CHODL: variants seen among roughly 807,000 people sequenced by gnomAD.
CHODL encodes chondrolectin.
CHODL carries 29 observed loss-of-function variants against 34.5 expected under a neutral mutation model. The ratio of observed to expected loss-of-function variants is 0.84; its 90% CI spans 0.63 to 1.15. The LOEUF is 1.15. Among genes scored for constraint, CHODL ranks in the 50% most tolerant of loss-of-function variants. CHODL has a pLI of 0.00. For synonymous variants in CHODL, 125 were observed against 116.1 expected (o/e 1.08, Z -0.49); for missense variants, 332 against 332.5 (o/e 1.00, Z 0.01).
At chr21:18,136,918 C>A (rs1442129853) in intron 2 of CHODL, among the ~76,000 whole-genome samples, 1 of 151,744 alleles carries the variant, frequency 6.6e-6, no homozygotes, top group Non-Finnish European at 1.5e-5. Context: ...ATGCCCTATA[C>A]CATGACATAC....
intron 2 of CHODL, among the ~76,000 whole-genome samples, chr21:18,138,830 G>A (rs1047040632): frequency 6.6e-6 from 1 of 152,190 alleles, no homozygotes; most frequent in African/African-American, 2.4e-5. Flanking sequence ...TGCATTAGGT[G>A]CAGTTCATCT....
At chr21:18,160,364 G>C (rs1466016214) in intron 2 of CHODL, among the ~76,000 whole-genome samples, 1 of 151,986 alleles carries the variant, frequency 6.6e-6, no homozygotes, top group Middle Eastern at 3.4e-3. Context: ...TTAAGTTCAG[G>C]GGTACAAGTG....
chr21:18,028,451 C>A (rs2064208780), intron 2 of CHODL, among the ~76,000 whole-genome samples: 1 of 151,846 alleles, frequency 6.6e-6, no homozygotes, highest in Non-Finnish European at 1.5e-5. Flanking sequence ...AATCCCAGCA[C>A]TTTGGGAGGC....
intron 2 of CHODL, among the ~76,000 whole-genome samples, chr21:18,197,541 G>A (rs756341720): frequency 5.3e-5 from 8 of 152,128 alleles, no homozygotes; most frequent in South Asian, 2.1e-4. Flanking sequence ...GCTTGAACCC[G>A]GGATGCGGAG....
At position 18,209,224 on chromosome 21, in the gene CHODL, C is replaced by T. The variant is rs139864826; in HGVS notation, c.-44-47285C>T. Reference sequence around the variant, plus strand: ...CTATTCTACTGTGGCTCAGCTGGCACTCAAGCCACAAGACAAAAAGTTCTT... The same window carrying T: ...CTATTCTACTGTGGCTCAGCTGGCATTCAAGCCACAAGACAAAAAGTTCTT... On this transcript the variant is annotated intron_variant, in intron 2 of 6. Transcript: ENST00000400127. Among the ~76,000 whole-genome samples, 769 of 152,258 alleles carry T rather than the reference C, an allele frequency of 5.1e-3. 9 individuals carry two copies. Among genetic ancestry groups the T allele is most frequent in the African/African-American group, 0.017 (690 of 41,548 alleles).
chr21:17,953,853 T>C (rs2063477274), intron 1 of CHODL, among the ~76,000 whole-genome samples: 1 of 151,808 alleles, frequency 6.6e-6, no homozygotes, highest in Non-Finnish European at 1.5e-5. Context: ...CTACTAAAAA[T>C]ACAAACATTA....
chr21:18,174,082 G>A (rs1268235235), intron 2 of CHODL, among the ~76,000 whole-genome samples: 1 of 60,074 alleles, frequency 1.7e-5, no homozygotes, highest in African/African-American at 4.1e-5. Context: ...GGAGGTAGAA[G>A]GGGAAACAAA....
intron 2 of CHODL, among the ~76,000 whole-genome samples, chr21:18,170,485 T>G (rs780895214): frequency 3.9e-5 from 6 of 152,164 alleles, no homozygotes; most frequent in Non-Finnish European, 8.8e-5. Context: ...CTTTTGTACT[T>G]CTCTATTACT....
intron 2 of CHODL, among the ~76,000 whole-genome samples, chr21:18,094,949 C>T (rs376167655): frequency 6.6e-6 from 1 of 151,868 alleles, no homozygotes; most frequent in African/African-American, 2.4e-5. Flanking sequence ...AATGGTGAAA[C>T]CCCATCTCTA....
intron 1 of CHODL, among the ~76,000 whole-genome samples, chr21:17,999,292 C>T (rs1404459823): frequency 1.3e-5 from 2 of 152,178 alleles, no homozygotes; most frequent in Admixed American, 6.5e-5. Context: ...GCATTTTTGT[C>T]AAAGCCATTC....
Position 18,054,585 on chromosome 21 carries a change from G to C in CHODL, c.-45+26614G>C, listed in dbSNP as rs2064556200. The stretch of plus-strand genomic sequence containing the variant: ...ATTCATAGAAGTAGAGAGTAGAATG[G>C]TAGTTACCAGGGCATAGGGTGTAAG... On this transcript the variant is annotated intron_variant, in intron 2 of 6. Transcript: ENST00000400127. 2.0e-5 allele frequency among the ~76,000 whole-genome samples: 3 copies of C among 152,062 alleles called. No homozygotes were observed. The South Asian group carries it at 6.2e-4, about 32-fold the overall frequency.
In CHODL at chr21:18,039,164, T is replaced by A. The variant is rs190937219; in HGVS notation, c.-45+11193T>A. On this transcript the variant is annotated intron_variant, in intron 2 of 6. Transcript: ENST00000400127. ...GGATTTATGCTGCCTCAATGTCAAGTCTGTACTAACTCCTCTGTGTTAACA... is the reference window on the plus strand; with the variant it reads ...GGATTTATGCTGCCTCAATGTCAAGACTGTACTAACTCCTCTGTGTTAACA... 1.8e-4 allele frequency among the ~76,000 whole-genome samples: 28 copies of A among 151,822 alleles called. 1 individual carries two copies. Among genetic ancestry groups the A allele is most frequent in the Admixed American group, 1.6e-3 (24 of 15,238 alleles).
intron 1 of CHODL, among the ~76,000 whole-genome samples, chr21:17,951,355 T>G (rs1221462704): frequency 6.6e-6 from 1 of 152,212 alleles, no homozygotes; most frequent in Non-Finnish European, 1.5e-5. Context: ...CTTTAATCAC[T>G]TTGAATATAA....
At chr21:18,019,547 T>C (rs1227356292) in intron 1 of CHODL, among the ~76,000 whole-genome samples, 1 of 152,180 alleles carries the variant, frequency 6.6e-6, no homozygotes, top group Non-Finnish European at 1.5e-5. Flanking sequence ...ATGTGATTAT[T>C]ATACATTGTA....
intron 2 of CHODL, among the ~76,000 whole-genome samples, chr21:18,115,134 G>A (rs1293940564): frequency 6.6e-6 from 1 of 152,202 alleles, no homozygotes; most frequent in Non-Finnish European, 1.5e-5. Flanking sequence ...GTAGAGAACA[G>A]ATTACAGGAG....
chr21:18,133,119 G>C (rs1235456297), intron 2 of CHODL, among the ~76,000 whole-genome samples: 1 of 150,970 alleles, frequency 6.6e-6, no homozygotes, highest in Non-Finnish European at 1.5e-5. Context: ...TGAAATGTTA[G>C]AAAAAGCGGT....
intron 2 of CHODL, among the ~76,000 whole-genome samples, chr21:18,077,041 G>A (rs1600972124): frequency 6.6e-6 from 1 of 152,290 alleles, no homozygotes; most frequent in African/African-American, 2.4e-5. Flanking sequence ...CACCCCAGTG[G>A]GGCCAGAATG....
chr21:17,923,631 T>G (rs1381568747), intron 1 of CHODL, among the ~76,000 whole-genome samples: 1 of 152,002 alleles, frequency 6.6e-6, no homozygotes, highest in Non-Finnish European at 1.5e-5. Context: ...CCAGCTAATT[T>G]TTTGTATTTT....
intron 2 of CHODL, among the ~76,000 whole-genome samples, chr21:18,077,167 A>G (rs1246480147): frequency 6.6e-6 from 1 of 152,108 alleles, no homozygotes; most frequent in African/African-American, 2.4e-5. Flanking sequence ...GCTACTTGGG[A>G]TCTGTCACTC....
Sources: gnomAD v4.1 joint callset for allele counts (sites outside exome capture counted in the v4.1 genomes callset) on GRCh38, gnomAD v4.1.1 for gene constraint, MANE v1.5 for transcripts, NCBI Gene and HGNC (gene_info 2026-07-23, HGNC 2026-07-21) for gene names.